TBXAS1: variants seen among roughly 807,000 people sequenced by gnomAD.
TBXAS1 encodes thromboxane-A synthase.
TBXAS1 carries 48 observed loss-of-function variants against 60.7 expected under a neutral mutation model. The observed-to-expected ratio is 0.79, with a 90% CI of 0.63 to 1.01. TBXAS1 has a LOEUF of 1.01. Among genes scored for constraint, TBXAS1 ranks in the 50% least tolerant of loss-of-function variants. TBXAS1 has a pLI of 0.00. For missense variants in TBXAS1, 685 were observed against 686.3 expected (o/e 1.00, Z 0.02); for synonymous variants, 287 against 269.7 (o/e 1.06, Z -0.63).
intron 1 of TBXAS1, among the ~76,000 whole-genome samples, chr7:139,842,003 G>A (rs1454916408): frequency 6.6e-6 from 1 of 152,062 alleles, no homozygotes; most frequent in Non-Finnish European, 1.5e-5. Context: ...ATTAAACAGA[G>A]TAATATTATT....
rs77210902 is a variant in TBXAS1, at chr7:139,912,449, G to T, written c.333+1128G>T. 6.9e-3 allele frequency among the ~76,000 whole-genome samples: 1,048 copies of T among 152,272 alleles called. 13 individuals carry two copies. Among genetic ancestry groups the T allele is most frequent in the African/African-American group, 0.024 (1,001 of 41,554 alleles). Reference sequence around the variant, plus strand: ...TCACCTTGCCAACCATTTTTGGGGGGTTCCAATTAGACCTCACTTTTCATT... The same window carrying T: ...TCACCTTGCCAACCATTTTTGGGGGTTTCCAATTAGACCTCACTTTTCATT... On this transcript the variant is annotated intron_variant, in intron 4 of 12. Transcript: ENST00000448866.
chr7:139,824,307 G>C (rs531787815), upstream of TBXAS1, among the ~76,000 whole-genome samples: 4 of 152,216 alleles, frequency 2.6e-5, no homozygotes, highest in Admixed American at 2.6e-4. Flanking sequence ...CGCATGGCTC[G>C]AGACGGAAAG....
intron 4 of TBXAS1, among the ~76,000 whole-genome samples, chr7:139,805,337 C>T (rs1321615153): frequency 6.6e-6 from 1 of 152,264 alleles, no homozygotes; most frequent in Non-Finnish European, 1.5e-5. Flanking sequence ...CAAACCCAGA[C>T]TATCTGACTC....
chr7:139,835,705 T>C (rs1354858391), intron 1 of TBXAS1, among the ~76,000 whole-genome samples: 3 of 152,176 alleles, frequency 2.0e-5, no homozygotes, highest in Non-Finnish European at 4.4e-5. Context: ...GCATTCCCTC[T>C]GAGAATTGGA....
intron 4 of TBXAS1, among the ~76,000 whole-genome samples, chr7:139,823,694 A>G (rs1459006879): frequency 6.6e-6 from 1 of 152,230 alleles, no homozygotes; most frequent in Non-Finnish European, 1.5e-5. Flanking sequence ...TTAGTGGGAA[A>G]AAAACACTGC....
intron 9 of TBXAS1, among the ~76,000 whole-genome samples, chr7:139,986,759 G>A (rs78251681): frequency 0.23 from 9,233 of 40,268 alleles, 464 homozygotes; most frequent in South Asian, 0.27. Flanking sequence ...ATATATATGT[G>A]TGTGTGTGTG....
intron 4 of TBXAS1, among the ~76,000 whole-genome samples, chr7:139,815,957 C>A (rs1798135640): frequency 6.6e-6 from 1 of 152,210 alleles, no homozygotes; most frequent in Non-Finnish European, 1.5e-5. Context: ...TCTGTGTCCC[C>A]ACCCAAATCT....
At chr7:139,960,222 T>C (rs1810220350) in intron 8 of TBXAS1, among the ~76,000 whole-genome samples, 1 of 152,184 alleles carries the variant, frequency 6.6e-6, no homozygotes, top group Non-Finnish European at 1.5e-5. Flanking sequence ...GTCACAAGGC[T>C]GGGGTGCAGT....
At chr7:139,843,801 A>C (rs1799626004) in intron 1 of TBXAS1, among the ~76,000 whole-genome samples, 1 of 152,210 alleles carries the variant, frequency 6.6e-6, no homozygotes, top group Non-Finnish European at 1.5e-5. Flanking sequence ...CCGAGATAGC[A>C]GCACTGTTTC....
intron 4 of TBXAS1, among the ~76,000 whole-genome samples, chr7:139,810,484 G>A (rs1797997794): frequency 6.6e-6 from 1 of 152,200 alleles, no homozygotes. Context: ...GGGGATAGAT[G>A]AATGGAAAGG....
chr7:139,954,381 C>G (rs1449591156), intron 6 of TBXAS1, among the ~76,000 whole-genome samples: 1 of 152,230 alleles, frequency 6.6e-6, no homozygotes, highest in African/African-American at 2.4e-5. Flanking sequence ...CCTCAAGACC[C>G]TTAAATCTTC....
chr7:139,872,108 TGTG>T (rs1801861691), intron 1 of TBXAS1, 124 bp from the exon 2 acceptor site: 1 of 940,000 alleles, frequency 1.1e-6, no homozygotes, highest in Non-Finnish European at 1.7e-6. Context: ...GGTTCTTAGA[TGTG>T]GTGACTGGAA....
rs111842079 is a variant in TBXAS1 at position 140,013,917 on chromosome 7, A to G, written c.1227-1806A>G. ...GGCTTCTGATCTGCTGCCGTCCCCG[A>G]TTCATGGCCTCACTTCACCCACTGA... On this transcript the variant is annotated intron_variant, in intron 10 of 12. Transcript: ENST00000448866. This position sits in a 1 kb window ranked among gnomAD's most constrained non-coding sequence, Gnocchi z 4.2. Among the ~76,000 whole-genome samples, 379 of 152,216 alleles carry G rather than the reference A, an allele frequency of 2.5e-3. 2 individuals carry two copies. Among genetic ancestry groups the G allele is most frequent in the African/African-American group, 8.8e-3 (365 of 41,528 alleles).
chr7:139,901,510 C>G (rs1174076150), intron 3 of TBXAS1, among the ~76,000 whole-genome samples: 1 of 151,992 alleles, frequency 6.6e-6, no homozygotes, highest in Non-Finnish European at 1.5e-5. Flanking sequence ...AGTGTAATTG[C>G]TTTCCTTTTA....
intron 9 of TBXAS1, among the ~76,000 whole-genome samples, chr7:139,968,151 A>T (rs957231753): frequency 6.6e-6 from 1 of 152,188 alleles, no homozygotes; most frequent in Non-Finnish European, 1.5e-5. Flanking sequence ...CTCCCTCACT[A>T]TCGGGGATCT....
rs1021226693 is a variant in TBXAS1, at chr7:139,999,725, G to A, written c.1135-7366G>A. Among the ~76,000 whole-genome samples the A allele has an allele frequency of 6.6e-6, 1 of 152,126 alleles. No homozygotes were observed. Among genetic ancestry groups the A allele is most frequent in the Admixed American group, 6.5e-5 (1 of 15,280 alleles). On this transcript the variant is annotated intron_variant, in intron 9 of 12. Transcript: ENST00000448866. This position sits in a 1 kb window ranked among gnomAD's most constrained non-coding sequence, Gnocchi z 4.3. ...TCGTGCTTAAGGGATTTCCAGCTCC[G>A]GCTTCTAGAGGGCAAGGGCCAGCAT...
chr7:139,935,434 A>G (rs931540394), intron 4 of TBXAS1, among the ~76,000 whole-genome samples: 1 of 152,208 alleles, frequency 6.6e-6, no homozygotes, highest in Non-Finnish European at 1.5e-5. Flanking sequence ...TTTTTGATTC[A>G]GAATTGGTTG....
At chr7:139,845,295 C>T (rs969606624) in intron 1 of TBXAS1, among the ~76,000 whole-genome samples, 1 of 152,052 alleles carries the variant, frequency 6.6e-6, no homozygotes, top group Non-Finnish European at 1.5e-5. Flanking sequence ...CTCCTGAAGC[C>T]CCCTCTGACC....
chr7:139,984,420 C>T (rs546526814), intron 9 of TBXAS1, among the ~76,000 whole-genome samples: 1 of 152,106 alleles, frequency 6.6e-6, no homozygotes, highest in South Asian at 2.1e-4. Context: ...TCTGCTCCAC[C>T]CAGAGCCTCA....
Sources: allele counts gnomAD v4.1 joint callset (sites outside exome capture counted in the v4.1 genomes callset), GRCh38; gene constraint gnomAD v4.1.1; non-coding constraint Gnocchi (gnomAD v3.1); transcripts MANE v1.5; gene names NCBI Gene and HGNC (gene_info 2026-07-23, HGNC 2026-07-21).